The following IRAK3 variants were observed in gnomAD, a reference collection of about 807,000 sequenced individuals.
IRAK3 encodes interleukin-1 receptor-associated kinase 3.
Under a neutral mutation model 56.6 loss-of-function variants are expected in IRAK3, and 57 were observed. The ratio of observed to expected loss-of-function variants is 1.01; its 90% CI spans 0.81 to 1.26. The LOEUF is 1.26. IRAK3 is among the 50% of genes most tolerant of loss of function. IRAK3 has a pLI of 0.00. For missense variants in IRAK3, 703 were observed against 719.0 expected, an observed-to-expected ratio of 0.98 and a Z score of 0.25; for synonymous variants, 258 against 255.7, an observed-to-expected ratio of 1.01 and a Z score of -0.09.
rs1392363046 is a variant in IRAK3, at chr12:66,226,723, G to T, written c.654G>T (p.Leu218=). ...GCTTTAAAACATCTTTTGTTTCAAG[G>T]TTTCATCACCCAAACATACTAGAGT... ...RFLSELEVLL[L]FHHPNILELA... The change falls in exon 7 of 12, where the codon CTG becomes CTT. Residue 218 remains leucine, a splice_region_variant and synonymous_variant. Coordinates refer to ENST00000261233, the MANE Select transcript of IRAK3 (RefSeq NM_007199.3). 6.4e-7 allele frequency: 1 copy of T among 1,566,082 alleles called. No individual in the cohort carries two copies. Among genetic ancestry groups the T allele is most frequent in the African/African-American group, 1.4e-5 (1 of 73,788 alleles).
chr12:66,248,216 C>T lies in IRAK3; in HGVS notation c.*45C>T. On this transcript the variant is annotated 3_prime_UTR_variant, in exon 12 of 12. Coordinates refer to ENST00000261233, the MANE Select transcript of IRAK3 (RefSeq NM_007199.3). ...AAAAAAGCAAGTATTGCATAGGCAC[C>T]TGAGCATAGGTATGACCTTGGGAAG... 7.2e-7 allele frequency: 1 copy of T among 1,389,048 alleles called. No individual in the cohort carries two copies. Among genetic ancestry groups the T allele is most frequent in the Non-Finnish European group, 1.0e-6 (1 of 976,600 alleles). 86.0% of individuals were successfully genotyped at this position (1,389,048 alleles called of 1,614,324 possible). A position where few individuals can be genotyped will look rare whatever the true frequency, so the allele number is the denominator to read the frequency against.
At position 66,244,551 on chromosome 12, in the gene IRAK3, G is replaced by T; in HGVS notation, c.953G>T (p.Arg318Leu). 1 of 1,613,900 alleles carries T rather than the reference G, an allele frequency of 6.2e-7. No individual in the cohort carries two copies. The highest frequency in any genetic ancestry group is 8.5e-7 in the Non-Finnish European group (1 of 1,179,900). The change falls in exon 9 of 12, where the codon CGG (arginine) becomes CTG (leucine). Residue 318 changes from arginine (R) to leucine (L), a missense_variant. Coordinates refer to ENST00000261233, the MANE Select transcript of IRAK3 (RefSeq NM_007199.3). Reference sequence around the variant, plus strand: ...ACTGATTTTGCCATGGCACACTTCCGGTCCCACCTAGAACATCAGAGTTGT... The same window carrying T: ...ACTGATTTTGCCATGGCACACTTCCTGTCCCACCTAGAACATCAGAGTTGT... ...KLTDFAMAHF[R>L]SHLEHQSCTI...
At chr12:66,219,236 T>C (rs1329174726) in intron 6 of IRAK3, among the ~76,000 whole-genome samples, 1 of 152,216 alleles carries the variant, frequency 6.6e-6, no homozygotes, top group Non-Finnish European at 1.5e-5. Context: ...TGGTTCTGTG[T>C]CCCCACCCAA....
intron 6 of IRAK3, among the ~76,000 whole-genome samples, chr12:66,218,835 A>G (rs1592588747): frequency 6.6e-6 from 1 of 151,712 alleles, no homozygotes; most frequent in Non-Finnish European, 1.5e-5. Flanking sequence ...ATTTTTCCCA[A>G]CCCCCAGCCC....
chr12:66,247,963 A>G lies in IRAK3; in HGVS notation c.1583A>G (p.Asn528Ser). Residue 528 changes from asparagine (N) to serine (S), a missense_variant, in exon 12 of 12, where the codon AAT becomes AGT. Physicochemically the swap from Asn to Ser is conservative, Grantham distance 46. Coordinates refer to ENST00000261233, the MANE Select transcript of IRAK3 (RefSeq NM_007199.3). ...SLDKKPESKR[N>S]EEACNMPSSS... ...GACAAAAAGCCAGAGAGCAAGAGAAATGAGGAAGCTTGCAACATGCCCAGT... is the reference window on the plus strand; with the variant it reads ...GACAAAAAGCCAGAGAGCAAGAGAAGTGAGGAAGCTTGCAACATGCCCAGT... 1.2e-6 allele frequency: 2 copies of G among 1,612,472 alleles called. No homozygotes were observed. Among genetic ancestry groups the G allele is most frequent in the Non-Finnish European group, 1.7e-6 (2 of 1,179,490 alleles).
chr12:66,246,233 CAG>C (rs1361985884), intron 11 of IRAK3, among the ~76,000 whole-genome samples: 1 of 152,058 alleles, frequency 6.6e-6, no homozygotes, highest in Non-Finnish European at 1.5e-5. Flanking sequence ...ACATCCCAAG[CAG>C]AGAGAATGAA....
In IRAK3 at chr12:66,244,689, G is replaced by A. The variant is rs777721661; in HGVS notation, c.1086+5G>A. The A allele has an allele frequency of 1.2e-6, 2 of 1,606,776 alleles. No homozygotes were observed. Among genetic ancestry groups the A allele is most frequent in the East Asian group, 2.2e-5 (1 of 44,840 alleles). Reference sequence around the variant, plus strand: ...GATGTCTACAGCTTTGGAATTGTGAGTACCAACTGCCAGTTAACAAAGGAG... The same window carrying A: ...GATGTCTACAGCTTTGGAATTGTGAATACCAACTGCCAGTTAACAAAGGAG... On this transcript the variant is annotated splice_donor_5th_base_variant and intron_variant, in intron 9 of 11. Transcript: ENST00000261233.
chr12:66,203,655 A>G, intron 1 of IRAK3, 56 bp from the exon 2 acceptor site: 1 of 1,455,072 alleles, frequency 6.9e-7, no homozygotes, highest in African/African-American at 1.4e-5. Flanking sequence ...CACAAAAACA[A>G]GTATTTTGAT....
chr12:66,213,563 G>T (rs1184749943), intron 5 of IRAK3, among the ~76,000 whole-genome samples: 2 of 152,018 alleles, frequency 1.3e-5, no homozygotes, highest in African/African-American at 2.4e-5. Flanking sequence ...TCATATATTT[G>T]TCAAAACCCA....
At chr12:66,229,376 A>C (rs747473358) in intron 8 of IRAK3, among the ~76,000 whole-genome samples, 13 of 152,222 alleles carry the variant, frequency 8.5e-5, no homozygotes, top group Non-Finnish European at 1.6e-4. Flanking sequence ...AAAGTACATG[A>C]ATACACCTTT....
chr12:66,242,292 C>T (rs575478071), intron 8 of IRAK3, among the ~76,000 whole-genome samples: 1 of 152,296 alleles, frequency 6.6e-6, no homozygotes, highest in South Asian at 2.1e-4. Flanking sequence ...CAAATGCCCC[C>T]AGGACTCTGA....
intron 7 of IRAK3, 70 bp downstream of exon 7, chr12:66,226,907 CT>C: frequency 1.0e-6 from 1 of 968,174 alleles, no homozygotes; most frequent in Admixed American, 1.8e-5. Context: ...CTGAAACCGT[CT>C]GGGAGAGTTG....
At chr12:66,243,382 T>C (rs1282360731) in intron 8 of IRAK3, among the ~76,000 whole-genome samples, 2 of 152,236 alleles carry the variant, frequency 1.3e-5, no homozygotes, top group African/African-American at 4.8e-5. Context: ...GTAGCACTTT[T>C]AGTAACAGCA....
At chr12:66,223,249 G>T (rs1027316421) in intron 6 of IRAK3, among the ~76,000 whole-genome samples, 3 of 152,146 alleles carry the variant, frequency 2.0e-5, no homozygotes, top group Non-Finnish European at 4.4e-5. Flanking sequence ...ATGTATACAT[G>T]CAGGTCACAG....
intron 1 of IRAK3, among the ~76,000 whole-genome samples, chr12:66,201,333 A>G (rs1592577366): frequency 1.3e-5 from 2 of 152,180 alleles, no homozygotes; most frequent in African/African-American, 4.8e-5. Context: ...TCCTAAAGCC[A>G]GTTATGGTGG....
intron 2 of IRAK3, among the ~76,000 whole-genome samples, chr12:66,207,784 G>A (rs2052571337): frequency 6.6e-6 from 1 of 151,772 alleles, no homozygotes. Context: ...TAATTCATTT[G>A]TTATTTATGA....
In IRAK3 at chr12:66,248,009, G is replaced by A. The variant is rs753112482; in HGVS notation, c.1629G>A (p.Trp543Ter). Residue 543 changes from tryptophan to a stop codon, truncating the protein, a stop_gained, in exon 12 of 12, where the codon TGG becomes TGA. Coordinates refer to ENST00000261233, the MANE Select transcript of IRAK3 (RefSeq NM_007199.3). LOFTEE classifies it low-confidence loss of function (END_TRUNC). ...CCAGTTCTTCTTGTGAAGAAAGTTG[G>A]TTCCCAAAGTATATAGTTCCATCCC... ...NMPSSSCEES[W>*]FPKYIVPSQD... is the part of the protein sequence containing the mutation. The A allele has an allele frequency of 2.5e-6, 4 of 1,599,680 alleles. No individual in the cohort carries two copies. In the Admixed American group the frequency reaches 5.2e-5, roughly 21 times the overall value.
At chr12:66,232,787 A>C (rs1046332037) in intron 8 of IRAK3, among the ~76,000 whole-genome samples, 10 of 152,172 alleles carry the variant, frequency 6.6e-5, no homozygotes, top group Non-Finnish European at 1.2e-4. Flanking sequence ...GGAGGGATGC[A>C]GTTTTATTGT....
At chr12:66,193,626 C>CGTTTTTGATGCCTTTGACA (rs56779076) in intron 1 of IRAK3, among the ~76,000 whole-genome samples, 2 of 151,918 alleles carry the variant, frequency 1.3e-5, no homozygotes, top group East Asian at 3.9e-4. Flanking sequence ...AGACTTTCCT[C>CGTTTTTGATGCCTTTGACA]GTTTTGAGGA....
Sources: gnomAD v4.1 joint callset for allele counts (sites outside exome capture counted in the v4.1 genomes callset) on GRCh38, gnomAD v4.1.1 for gene constraint, MANE v1.5 for transcripts, NCBI Gene and HGNC (gene_info 2026-07-23, HGNC 2026-07-21) for gene names.